ZNF33B: variants seen among roughly 807,000 people sequenced by gnomAD.
ZNF33B encodes zinc finger protein 11b (KOX 2).
ZNF33B carries 29 observed loss-of-function variants against 45.8 expected under a neutral mutation model. The observed-to-expected ratio is 0.63, with a 90% CI of 0.47 to 0.86. ZNF33B has a LOEUF of 0.86. Ranked by LOEUF, ZNF33B falls within the 40% of genes least tolerant of loss-of-function variation. The probability of loss-of-function intolerance (pLI) is 0.00; values close to 1 mark genes in which losing one functional copy is unlikely to be tolerated. For missense variants in ZNF33B, 831 were observed against 909.9 expected (o/e 0.91, Z 1.12); for synonymous variants, 305 against 307.8 (o/e 0.99, Z 0.10).
At chr10:42,616,668 A>G (rs1838332412) in intron 4 of ZNF33B, among the ~76,000 whole-genome samples, 3 of 152,146 alleles carry the variant, frequency 2.0e-5, no homozygotes, top group African/African-American at 7.2e-5. Flanking sequence ...ATTTTTCAAC[A>G]AATAGTGTAC....
chr10:42,589,893 A>T lies in ZNF33B; in HGVS notation c.*2720T>A, dbSNP rs1232159512. ...TCCTGATCTTAGTAGGAAAGCATTT[A>T]GTTGGAAACATCAAGGATGATGCTA... is the stretch of plus-strand genomic sequence containing the variant. On this transcript the variant is annotated 3_prime_UTR_variant, in exon 5 of 5. Coordinates refer to ENST00000359467, the MANE Select transcript of ZNF33B (RefSeq NM_006955.3). The T allele has an allele frequency of 6.6e-6, 1 of 152,212 alleles. No individual in the cohort carries two copies. Among genetic ancestry groups the T allele is most frequent in the Non-Finnish European group, 1.5e-5 (1 of 68,044 alleles). 9.4% of individuals were successfully genotyped at this position (152,212 alleles called of 1,614,324 possible).
chr10:42,588,164 C>A (rs1226124545), downstream of ZNF33B, among the ~76,000 whole-genome samples: 1 of 152,222 alleles, frequency 6.6e-6, no homozygotes, highest in Non-Finnish European at 1.5e-5. Flanking sequence ...TGGTCACTAC[C>A]TTTACAGGTG....
chr10:42,621,986 A>G (rs1212600171), intron 4 of ZNF33B, among the ~76,000 whole-genome samples: 4 of 152,246 alleles, frequency 2.6e-5, no homozygotes, highest in Non-Finnish European at 5.9e-5. Flanking sequence ...GAATTCTGCA[A>G]AGTTGCAGGA....
At position 42,592,518 on chromosome 10, in the gene ZNF33B, G is replaced by A; in HGVS notation, c.*95C>T. 1 of 1,471,340 alleles carries A rather than the reference G, an allele frequency of 6.8e-7. No individual in the cohort carries two copies. Among genetic ancestry groups the A allele is most frequent in the South Asian group, 1.4e-5 (1 of 73,590 alleles). 91.1% of individuals were successfully genotyped at this position (1,471,340 alleles called of 1,614,324 possible). On this transcript the variant is annotated 3_prime_UTR_variant, in exon 5 of 5. Transcript: ENST00000359467. ...TAAGGCGAGTTTGTGGATAGTTATT[G>A]AACATTCAGGATGTCAACAGGCCCT...
intron 3 of ZNF33B, 128 bp from the exon 4 acceptor site, chr10:42,632,152 G>A (rs1839089024): frequency 2.0e-6 from 3 of 1,467,606 alleles, no homozygotes; most frequent in South Asian, 1.3e-5. Context: ...GTGAACACAA[G>A]TATCTTCTGG....
At chr10:42,584,914 C>T (rs1836901454), downstream of ZNF33B, among the ~76,000 whole-genome samples, 1 of 152,188 alleles carries the variant, frequency 6.6e-6, no homozygotes. Context: ...CCCTCCATGG[C>T]CTGCAGCCAG....
intron 4 of ZNF33B, among the ~76,000 whole-genome samples, chr10:42,613,539 C>G (rs1484176935): frequency 4.0e-5 from 6 of 148,810 alleles, no homozygotes; most frequent in Admixed American, 1.4e-4. Flanking sequence ...CAGAGCGAGA[C>G]TCTCTCTCAA....
intron 4 of ZNF33B, among the ~76,000 whole-genome samples, chr10:42,604,732 G>C (rs1023991294): frequency 6.6e-6 from 1 of 151,982 alleles, no homozygotes; most frequent in Non-Finnish European, 1.5e-5. Flanking sequence ...TGACCAACAT[G>C]GTGAAACCCC....
intron 4 of ZNF33B, among the ~76,000 whole-genome samples, chr10:42,613,529 C>A (rs1329875046): frequency 1.6e-4 from 24 of 149,280 alleles, no homozygotes; most frequent in African/African-American, 5.2e-4. Context: ...ACCTGGGTGA[C>A]AGAGCGAGAC....
At chr10:42,611,692 T>C (rs1838101709) in intron 4 of ZNF33B, among the ~76,000 whole-genome samples, 3 of 152,198 alleles carry the variant, frequency 2.0e-5, no homozygotes. Context: ...TGGCTAATAA[T>C]ATATGTAATT....
In ZNF33B at chr10:42,592,877, T is replaced by G. The variant is rs1259966345; in HGVS notation, c.2073A>C (p.Lys691Asn). Reference protein sequence around the residue: ...ILHERKHTGEKPYECNECGKS... With the variant: ...ILHERKHTGENPYECNECGKS... ...TCCCACATTCATTGCATTCATAGGG[T>G]TTCTCCCCCGTGTGCTTTCTCTCAT... The change falls in exon 5 of 5, where the codon AAA becomes AAC. Residue 691 changes from lysine to asparagine, a missense_variant. By Grantham distance (94) the Lys-to-Asn change is moderately conservative. Transcript: ENST00000359467. 4 of 1,614,110 alleles carry G rather than the reference T, an allele frequency of 2.5e-6. No individual in the cohort carries two copies. The highest frequency in any genetic ancestry group is 3.4e-6 in the Non-Finnish European group (4 of 1,179,978).
chr10:42,586,935 C>T (rs540770507), downstream of ZNF33B, among the ~76,000 whole-genome samples: 5 of 152,220 alleles, frequency 3.3e-5, no homozygotes, highest in Non-Finnish European at 7.4e-5. Flanking sequence ...GATGAAAGTG[C>T]CAAGATGAAA....
intron 1 of ZNF33B, among the ~76,000 whole-genome samples, chr10:42,581,310 A>G (rs1369698975): frequency 6.6e-6 from 1 of 151,784 alleles, no homozygotes; most frequent in Non-Finnish European, 1.5e-5. Context: ...CTAAAAATAC[A>G]AAAATTAGCC....
intron 4 of ZNF33B, among the ~76,000 whole-genome samples, chr10:42,622,534 G>A (rs938598714): frequency 7.9e-5 from 12 of 152,140 alleles, no homozygotes; most frequent in Admixed American, 2.0e-4. Flanking sequence ...CACTGCCTAT[G>A]GTCAACTGAT....
chr10:42,629,387 C>A (rs1290667153), intron 4 of ZNF33B, among the ~76,000 whole-genome samples: 1 of 151,714 alleles, frequency 6.6e-6, no homozygotes, highest in Non-Finnish European at 1.5e-5. Flanking sequence ...ATTTGCTAGC[C>A]CAACAGGGTG....
At chr10:42,615,211 C>A (rs1838263213) in intron 4 of ZNF33B, among the ~76,000 whole-genome samples, 1 of 152,302 alleles carries the variant, frequency 6.6e-6, no homozygotes, top group East Asian at 1.9e-4. Flanking sequence ...CAGCATTCTA[C>A]TTCTAAGTAT....
intron 3 of ZNF33B, 99 bp downstream of exon 3, chr10:42,632,196 T>A (rs1715540335): frequency 1.3e-6 from 2 of 1,534,992 alleles, no homozygotes; most frequent in African/African-American, 1.4e-5. Context: ...AAGCCTAACC[T>A]AAGCCTAAAT....
downstream of ZNF33B, among the ~76,000 whole-genome samples, chr10:42,586,974 G>C (rs1219281344): frequency 1.4e-5 from 2 of 146,536 alleles, no homozygotes; most frequent in African/African-American, 5.4e-5. Context: ...ACAAGGTCTC[G>C]GCTTCCAAGG....
intron 4 of ZNF33B, among the ~76,000 whole-genome samples, chr10:42,625,840 A>C (rs1838785190): frequency 1.3e-5 from 2 of 152,220 alleles, no homozygotes; most frequent in South Asian, 4.1e-4. Flanking sequence ...TGTAAATGTA[A>C]ACAGTTTTAT....
Sources: gnomAD v4.1 joint callset for allele counts (sites outside exome capture counted in the v4.1 genomes callset) on GRCh38, gnomAD v4.1.1 for gene constraint, MANE v1.5 for transcripts, NCBI Gene and HGNC (gene_info 2026-07-23, HGNC 2026-07-21) for gene names.